Variants in RERE observed in about 807,000 individuals in gnomAD.
RERE encodes arginine-glutamic acid dipeptide repeats.
A neutral mutation model predicts 146.1 loss-of-function variants in RERE; 40 were observed. The observed-to-expected ratio is 0.27, with a 90% CI of 0.21 to 0.36. RERE has a LOEUF of 0.36. Among genes scored for constraint, RERE ranks in the 10% least tolerant of loss-of-function variants. RERE has a pLI of 1.00. For missense variants in RERE, 1,933 were observed against 2,138.7 expected (o/e 0.90, Z 1.90); for synonymous variants, 1,003 against 866.0 (o/e 1.16, Z -2.78).
Position 8,364,004 on chromosome 1 carries a change from T to G in RERE, c.1740+52A>C. 1 of 1,546,598 alleles carries G rather than the reference T, an allele frequency of 6.5e-7. No individual in the cohort carries two copies. Among genetic ancestry groups the G allele is most frequent in the South Asian group, 1.1e-5 (1 of 89,578 alleles). On this transcript the variant is annotated intron_variant, in intron 15 of 22. Coordinates refer to ENST00000400908, the MANE Select transcript of RERE (RefSeq NM_001042681.2). This position sits in a 1 kb window ranked among gnomAD's most constrained non-coding sequence, Gnocchi z 5.1. ...CCTGGGAGGCTCAAGCCCCCACACATCCCAGGAAACTGAAGAAGTTGCCAG... is the reference window on the plus strand; with the variant it reads ...CCTGGGAGGCTCAAGCCCCCACACAGCCCAGGAAACTGAAGAAGTTGCCAG...
intron 7 of RERE, among the ~76,000 whole-genome samples, chr1:8,535,836 G>A (rs998040874): frequency 1.3e-5 from 2 of 152,262 alleles, no homozygotes; most frequent in East Asian, 1.9e-4. Context: ...AGCCGGGCAT[G>A]GTGGCCCCTG....
chr1:8,703,070 G>A (rs1639488622), intron 1 of RERE: 1 of 152,026 alleles, frequency 6.6e-6, no homozygotes, highest in Admixed American at 6.5e-5. Flanking sequence ...GCCCGCTGGC[G>A]GCGAGAGCTG....
chr1:8,463,751 G>C (rs1041250460), intron 11 of RERE, among the ~76,000 whole-genome samples: 1 of 152,138 alleles, frequency 6.6e-6, no homozygotes, highest in Non-Finnish European at 1.5e-5. Flanking sequence ...GAAGGAGAGA[G>C]GACGCCAAAG....
intron 1 of RERE, among the ~76,000 whole-genome samples, chr1:8,803,433 G>GA (rs1313641403): frequency 3.3e-5 from 5 of 152,022 alleles, no homozygotes; most frequent in Non-Finnish European, 1.5e-5. Context: ...TTGTGCCACT[G>GA]CACTCCAGCC....
chr1:8,409,415 G>A (rs1403263120), intron 12 of RERE, among the ~76,000 whole-genome samples: 1 of 152,214 alleles, frequency 6.6e-6, no homozygotes, highest in African/African-American at 2.4e-5. Flanking sequence ...CCACACTTCT[G>A]TCGGGACACA....
intron 4 of RERE, among the ~76,000 whole-genome samples, chr1:8,598,523 G>A (rs1366065871): frequency 2.6e-5 from 4 of 152,092 alleles, no homozygotes; most frequent in African/African-American, 4.8e-5. Context: ...CTTCCAGGAC[G>A]GTCCTCCCTC....
At chr1:8,595,845 T>G (rs892404998) in intron 4 of RERE, among the ~76,000 whole-genome samples, 2 of 152,016 alleles carry the variant, frequency 1.3e-5, no homozygotes, top group Non-Finnish European at 2.9e-5. Context: ...AAAGAAGAAA[T>G]GCAATTCCCA....
At chr1:8,602,472 TTA>T (rs1414452104) in intron 4 of RERE, among the ~76,000 whole-genome samples, 1 of 151,674 alleles carries the variant, frequency 6.6e-6, no homozygotes, top group African/African-American at 2.4e-5. Context: ...TGTATATGTT[TTA>T]TAAGTTATAG....
rs184830658 is a variant in RERE at position 8,420,964 on chromosome 1, G to C, written c.1284+1763C>G. ...GAGCAAAAAGAAAAACATAGTAGAA[G>C]AACTTAACTAGGTTAAAGGTTACTC... On this transcript the variant is annotated intron_variant, in intron 12 of 22. Coordinates refer to ENST00000400908, the MANE Select transcript of RERE (RefSeq NM_001042681.2). Among the ~76,000 whole-genome samples the C allele has an allele frequency of 2.0e-5, 3 of 152,252 alleles. No homozygotes were observed. The South Asian group carries it at 6.2e-4, about 32-fold the overall frequency.
chr1:8,642,468 T>G (rs1647193056), intron 2 of RERE, among the ~76,000 whole-genome samples: 1 of 152,242 alleles, frequency 6.6e-6, no homozygotes, highest in Non-Finnish European at 1.5e-5. Context: ...TAGGGCTGTT[T>G]CACTTGTAAG....
intron 1 of RERE, among the ~76,000 whole-genome samples, chr1:8,719,947 G>A (rs1443307819): frequency 6.6e-6 from 1 of 151,952 alleles, no homozygotes; most frequent in Non-Finnish European, 1.5e-5. Flanking sequence ...ATTCATTTTT[G>A]TATTCCCAAA....
chr1:8,800,527 T>TA (rs142332449), intron 1 of RERE, among the ~76,000 whole-genome samples: 31,819 of 152,080 alleles, frequency 0.21, 3,808 homozygotes, highest in Middle Eastern at 0.26. Flanking sequence ...ATTCAAATGA[T>TA]ACTGTAGGAG....
In RERE at chr1:8,700,267, T is replaced by C. The variant is rs1156441978; in HGVS notation, c.-144-43826A>G. ...CTGCAGTGAGCCGAGACCATGCCAT[T>C]GCACTCCAGCCTGGGTGACAGAGTG... On this transcript the variant is annotated intron_variant, in intron 1 of 22. Coordinates refer to ENST00000400908, the MANE Select transcript of RERE (RefSeq NM_001042681.2). Among the ~76,000 whole-genome samples, 3 of 151,962 alleles carry C rather than the reference T, an allele frequency of 2.0e-5. 1 individual carries two copies. Among genetic ancestry groups the C allele is most frequent in the South Asian group, 4.2e-4 (2 of 4,794 alleles).
intron 12 of RERE, among the ~76,000 whole-genome samples, chr1:8,421,178 C>T (rs1171147136): frequency 6.6e-6 from 1 of 152,186 alleles, no homozygotes; most frequent in Non-Finnish European, 1.5e-5. Context: ...TTTAGCAGAG[C>T]AGAGACAGAG....
intron 10 of RERE, among the ~76,000 whole-genome samples, chr1:8,478,345 A>G (rs1277432255): frequency 6.6e-6 from 1 of 152,344 alleles, no homozygotes; most frequent in East Asian, 1.9e-4. Flanking sequence ...CCTCATTTCT[A>G]AAATGGAAGA....
Position 8,624,300 on chromosome 1 carries a change from A to C in RERE, c.396+10T>G. On this transcript the variant is annotated intron_variant, in intron 3 of 22. Coordinates refer to ENST00000400908, the MANE Select transcript of RERE (RefSeq NM_001042681.2). ...CAGAGCAGAGTGAACAGCACATTAA[A>C]AACGCTTACCAGTTTGAAGTCTTGA... 1 of 1,603,730 alleles carries C rather than the reference A, an allele frequency of 6.2e-7. No homozygotes were observed. The highest frequency in any genetic ancestry group is 8.5e-7 in the Non-Finnish European group (1 of 1,172,422).
At chr1:8,485,225 G>A (rs1214835550) in intron 10 of RERE, among the ~76,000 whole-genome samples, 1 of 152,082 alleles carries the variant, frequency 6.6e-6, no homozygotes, top group African/African-American at 2.4e-5. Context: ...ACTGGACGTG[G>A]TGCCGCATGT....
chr1:8,750,955 A>G (rs1488916706), intron 1 of RERE: 3 of 719,940 alleles, frequency 4.2e-6, no homozygotes, highest in Non-Finnish European at 7.5e-6. Context: ...TGATTGCTCT[A>G]TCTCTTGGTA....
intron 4 of RERE, among the ~76,000 whole-genome samples, chr1:8,605,727 A>G (rs1379359762): frequency 8.3e-6 from 1 of 120,326 alleles, no homozygotes; most frequent in Non-Finnish European, 1.6e-5. Context: ...CCTGGGCAAC[A>G]GAGCAAGACC....
Sources: gnomAD v4.1 joint callset for allele counts (sites outside exome capture counted in the v4.1 genomes callset) on GRCh38, gnomAD v4.1.1 for gene constraint, Gnocchi (gnomAD v3.1) non-coding constraint, MANE v1.5 for transcripts, NCBI Gene and HGNC (gene_info 2026-07-23, HGNC 2026-07-21) for gene names.